RABGAP1L: variants seen among roughly 807,000 people sequenced by gnomAD.
The protein encoded by RABGAP1L is rab GTPase-activating protein 1-like.
In RABGAP1L, 63 loss-of-function variants were observed where a neutral mutation model predicts 137.7. The observed-to-expected ratio is 0.46, with a 90% CI of 0.37 to 0.56. The LOEUF (loss-of-function observed/expected upper bound fraction) is 0.56, where lower values mean the gene tolerates loss of function less well. Among genes scored for constraint, RABGAP1L ranks in the 20% least tolerant of loss-of-function variants. RABGAP1L has a pLI of 0.00. For missense variants in RABGAP1L, 1,095 were observed against 1,244.0 expected (o/e 0.88, Z 1.80); for synonymous variants, 431 against 433.7 (o/e 0.99, Z 0.08).
chr1:174,395,317 G>A (rs1056118492), intron 13 of RABGAP1L, among the ~76,000 whole-genome samples: 11 of 152,168 alleles, frequency 7.2e-5, no homozygotes, highest in African/African-American at 2.4e-4. Flanking sequence ...TTATCTAGAT[G>A]TAACTTAATC....
At chr1:174,705,321 T>G (rs1181874611) in intron 17 of RABGAP1L, 3 of 152,202 alleles carry the variant, frequency 2.0e-5, no homozygotes, top group East Asian at 3.8e-4. Flanking sequence ...ATTCAAATTT[T>G]ATCTTGAAGA....
Position 174,838,917 on chromosome 1 carries a change from CAAAAAAAAAAAAAAAAAAAAAAAA to C in RABGAP1L, c.2340+26971_2340+26994del, listed in dbSNP as rs58265128. On this transcript the variant is annotated intron_variant, in intron 19 of 25. Transcript: ENST00000681986. ...TGGGCGACAAAGCGAGACTCCGTCTCAAAAAAAAAAAAAAAAAAAAAAAAAAAAAAAAAAAAATGACATGAGTCA... is the reference window on the plus strand; with the variant it reads ...TGGGCGACAAAGCGAGACTCCGTCTCAAAAAAAAAAAAATGACATGAGTCA... Among the ~76,000 whole-genome samples the C allele has an allele frequency of 4.5e-3, 101 of 22,462 alleles. 2 individuals are homozygous for C. The highest frequency in any genetic ancestry group is 0.023 in the Admixed American group (25 of 1,068). The allele number at this position is 22,462 out of a possible 152,430, so 14.7% of individuals were successfully genotyped here.
rs969133343 is a variant in RABGAP1L, at chr1:174,283,033, C to T, written c.1323+4254C>T. Among the ~76,000 whole-genome samples, 5 of 152,286 alleles carry T rather than the reference C, an allele frequency of 3.3e-5. No individual in the cohort carries two copies. In the East Asian group the frequency reaches 9.7e-4, roughly 29 times the overall value. ...GTGTTGTAAGCTTCCCAACCTTTCT[C>T]ATTCTTAGTTTTATTTGTTGCGAGT... On this transcript the variant is annotated intron_variant, in intron 10 of 25. Coordinates refer to ENST00000681986, the MANE Select transcript of RABGAP1L (RefSeq NM_001366446.1).
At chr1:174,979,680 T>C (rs1394714754) in intron 23 of RABGAP1L, among the ~76,000 whole-genome samples, 1 of 152,188 alleles carries the variant, frequency 6.6e-6, no homozygotes. Context: ...GCAGGAAGCT[T>C]TCTATTGTGA....
chr1:174,737,155 T>C (rs1405078497), intron 17 of RABGAP1L, among the ~76,000 whole-genome samples: 2 of 152,234 alleles, frequency 1.3e-5, no homozygotes, highest in Admixed American at 6.5e-5. Context: ...CTGCAAACTT[T>C]CCAAACTTCT....
intron 18 of RABGAP1L, chr1:174,756,794 C>T (rs1684801193): frequency 8.0e-6 from 4 of 497,176 alleles, no homozygotes; most frequent in South Asian, 6.3e-5. Flanking sequence ...GGAGGAGTCC[C>T]TACTCGGTTG....
chr1:174,512,977 G>A (rs1662490905), intron 13 of RABGAP1L, among the ~76,000 whole-genome samples: 1 of 152,152 alleles, frequency 6.6e-6, no homozygotes, highest in Non-Finnish European at 1.5e-5. Context: ...GTAATGCAAT[G>A]AAATTAAGCC....
chr1:174,451,961 G>A (rs536144457), intron 13 of RABGAP1L, among the ~76,000 whole-genome samples: 2 of 152,028 alleles, frequency 1.3e-5, no homozygotes, highest in Non-Finnish European at 2.9e-5. Context: ...GAAAAGAAAG[G>A]CTTTATCATA....
chr1:174,885,213 C>G (rs1184788413), intron 19 of RABGAP1L, among the ~76,000 whole-genome samples: 1 of 152,074 alleles, frequency 6.6e-6, no homozygotes, highest in Non-Finnish European at 1.5e-5. Flanking sequence ...TTCTTTAACT[C>G]TTACAGAATC....
intron 13 of RABGAP1L, among the ~76,000 whole-genome samples, chr1:174,434,108 TAC>T (rs35509787): frequency 0.043 from 5,777 of 133,772 alleles, 127 homozygotes; most frequent in African/African-American, 0.068. Context: ...CGTGTACACA[TAC>T]ACACACACAC....
intron 13 of RABGAP1L, among the ~76,000 whole-genome samples, chr1:174,616,187 G>A (rs1280779526): frequency 2.6e-5 from 4 of 152,224 alleles, no homozygotes; most frequent in African/African-American, 7.2e-5. Context: ...GCTAGGAGCT[G>A]TAGACAGAGC....
intron 19 of RABGAP1L, among the ~76,000 whole-genome samples, chr1:174,868,383 A>C (rs1352465023): frequency 4.6e-5 from 7 of 152,332 alleles, no homozygotes; most frequent in Non-Finnish European, 7.3e-5. Context: ...CTAGCACAGT[A>C]GGTTTTAAAT....
At chr1:174,702,584 G>T (rs1410349200) in intron 17 of RABGAP1L, among the ~76,000 whole-genome samples, 1 of 151,992 alleles carries the variant, frequency 6.6e-6, no homozygotes, top group Non-Finnish European at 1.5e-5. Context: ...ATTTAGAATT[G>T]GGTGTTTTTT....
intron 18 of RABGAP1L, among the ~76,000 whole-genome samples, chr1:174,808,069 C>T (rs747925807): frequency 2.6e-4 from 40 of 151,582 alleles, no homozygotes; most frequent in African/African-American, 8.5e-4. Flanking sequence ...CTGCAAGCTC[C>T]GCCTCCTGGG....
chr1:174,178,948 A>G (rs563381333), intron 1 of RABGAP1L, among the ~76,000 whole-genome samples: 2 of 152,346 alleles, frequency 1.3e-5, no homozygotes, highest in African/African-American at 2.4e-5. Flanking sequence ...ATGTATACCT[A>G]TGTAACAAGC....
At chr1:174,886,294 A>G (rs1230134510) in intron 19 of RABGAP1L, among the ~76,000 whole-genome samples, 1 of 152,172 alleles carries the variant, frequency 6.6e-6, no homozygotes, top group East Asian at 1.9e-4. Flanking sequence ...TTACAGGCGT[A>G]AGCCACCGCG....
At chr1:174,527,720 G>T (rs1186000481) in intron 13 of RABGAP1L, among the ~76,000 whole-genome samples, 2 of 152,104 alleles carry the variant, frequency 1.3e-5, no homozygotes, top group Admixed American at 1.3e-4. Flanking sequence ...TTTACCTAAT[G>T]CTGAGAGTGG....
intron 19 of RABGAP1L, among the ~76,000 whole-genome samples, chr1:174,815,825 A>G (rs1690335090): frequency 6.6e-6 from 1 of 152,210 alleles, no homozygotes; most frequent in African/African-American, 2.4e-5. Flanking sequence ...TTCTGTTCCT[A>G]TGGTTTCAAC....
intron 13 of RABGAP1L, among the ~76,000 whole-genome samples, chr1:174,417,525 A>C (rs1650744551): frequency 6.6e-6 from 1 of 152,206 alleles, no homozygotes; most frequent in Admixed American, 6.5e-5. Flanking sequence ...TGATGCATCT[A>C]ATGGAAACAA....
Sources: allele counts gnomAD v4.1 joint callset (sites outside exome capture counted in the v4.1 genomes callset), GRCh38; gene constraint gnomAD v4.1.1; transcripts MANE v1.5; gene names NCBI Gene and HGNC (gene_info 2026-07-23, HGNC 2026-07-21).